ENTREP2: variants seen among roughly 807,000 people sequenced by gnomAD.
ENTREP2 encodes protein ENTREP2.
At chr15:29,222,609 A>G in the ENTREP2 span, among the ~76,000 whole-genome samples, 1 of 152,120 alleles carries the variant, frequency 6.6e-6, no homozygotes, top group African/African-American at 2.4e-5. Context: ...TCTTACATTT[A>G]AAATAACACC....
chr15:29,304,356 A>G, the ENTREP2 span, among the ~76,000 whole-genome samples: 1 of 152,230 alleles, frequency 6.6e-6, no homozygotes, highest in South Asian at 2.1e-4. Flanking sequence ...TCATCTGCAC[A>G]TGGCACATAC....
the ENTREP2 span, among the ~76,000 whole-genome samples, chr15:29,315,330 A>AAT: frequency 6.6e-6 from 1 of 152,222 alleles, no homozygotes; most frequent in African/African-American, 2.4e-5. Flanking sequence ...CCAGATATTA[A>AAT]AATGTATTTA....
At chr15:29,537,857 C>T in the ENTREP2 span, among the ~76,000 whole-genome samples, 4 of 152,110 alleles carry the variant, frequency 2.6e-5, no homozygotes, top group Non-Finnish European at 1.5e-5. Flanking sequence ...CGCTGGCCTC[C>T]TTGCTGTCCT....
the ENTREP2 span, among the ~76,000 whole-genome samples, chr15:29,292,368 TTTCTTTCTTTCC>T: frequency 6.6e-6 from 1 of 151,128 alleles, no homozygotes; most frequent in East Asian, 1.9e-4. Flanking sequence ...TCCTTCCTTC[TTTCTTTCTTTCC>T]TTCTTTCTTT....
chr15:29,561,712 A>ATAAT, the ENTREP2 span, among the ~76,000 whole-genome samples: 3 of 142,482 alleles, frequency 2.1e-5, no homozygotes, highest in Admixed American at 1.4e-4. Flanking sequence ...AATAATAATA[A>ATAAT]AATAAATAAA....
chr15:29,592,548 C>A, the ENTREP2 span, among the ~76,000 whole-genome samples: 1 of 152,136 alleles, frequency 6.6e-6, no homozygotes, highest in African/African-American at 2.4e-5. Flanking sequence ...GGGGCGGAGC[C>A]CTCAGGGCCT....
the ENTREP2 span, among the ~76,000 whole-genome samples, chr15:29,669,194 C>T: frequency 5.7e-3 from 871 of 152,202 alleles, 9 homozygotes; most frequent in African/African-American, 0.02. Context: ...GGCAACAGAG[C>T]GAGACTCCAT....
chr15:29,157,312 GCC>G, the ENTREP2 span, among the ~76,000 whole-genome samples: 1 of 152,120 alleles, frequency 6.6e-6, no homozygotes, highest in African/African-American at 2.4e-5. Context: ...GTATCTGCGG[GCC>G]CCTGTGTGTC....
At chr15:29,345,095 C>T in the ENTREP2 span, among the ~76,000 whole-genome samples, 16 of 151,984 alleles carry the variant, frequency 1.1e-4, no homozygotes, top group African/African-American at 3.1e-4. Flanking sequence ...TCATGAAATC[C>T]GAACGCAATG....
At chr15:29,521,284 GACAA>G in the ENTREP2 span, among the ~76,000 whole-genome samples, 2 of 152,172 alleles carry the variant, frequency 1.3e-5, no homozygotes, top group Non-Finnish European at 2.9e-5. Context: ...TTCTAAAACT[GACAA>G]ACTAATTCTA....
chr15:29,139,109 C>T, the ENTREP2 span, among the ~76,000 whole-genome samples: 7 of 152,108 alleles, frequency 4.6e-5, no homozygotes, highest in East Asian at 3.9e-4. Flanking sequence ...GAGGCCAGGA[C>T]GTGAAGCACT....
chr15:29,501,366 C>A, the ENTREP2 span, among the ~76,000 whole-genome samples: 3 of 151,798 alleles, frequency 2.0e-5, no homozygotes, highest in Non-Finnish European at 2.9e-5. Flanking sequence ...TGAGGTTGGT[C>A]CAACATATAA....
chr15:29,420,511 C>T, the ENTREP2 span, among the ~76,000 whole-genome samples: 3 of 152,038 alleles, frequency 2.0e-5, no homozygotes, highest in South Asian at 4.2e-4. Flanking sequence ...GCCAGCTCAC[C>T]GGGTATGCAA....
chr15:29,483,157 G>T, the ENTREP2 span, among the ~76,000 whole-genome samples: 1 of 152,160 alleles, frequency 6.6e-6, no homozygotes, highest in African/African-American at 2.4e-5. Context: ...GTCTGTTCAG[G>T]TTGTTTGCCC....
At chr15:29,164,231 C>G in the ENTREP2 span, among the ~76,000 whole-genome samples, 8 of 152,146 alleles carry the variant, frequency 5.3e-5, no homozygotes, top group Non-Finnish European at 7.3e-5. Context: ...ATAAATCACA[C>G]AGGACCTATA....
chr15:29,293,468 G>C, the ENTREP2 span, among the ~76,000 whole-genome samples: 5 of 151,824 alleles, frequency 3.3e-5, no homozygotes, highest in East Asian at 9.7e-4. Flanking sequence ...GTTTTAGCCA[G>C]GATGGTCTCG....
chr15:29,487,416 C>T, the ENTREP2 span, among the ~76,000 whole-genome samples: 1 of 152,222 alleles, frequency 6.6e-6, no homozygotes, highest in Admixed American at 6.5e-5. Flanking sequence ...CCACTCCATA[C>T]AGATAAGCGG....
chr15:29,509,110 GACAA>G, the ENTREP2 span, among the ~76,000 whole-genome samples: 36 of 152,220 alleles, frequency 2.4e-4, no homozygotes, highest in Non-Finnish European at 3.5e-4. Context: ...ACCAATAATA[GACAA>G]ACAGAGAGCC....
chr15:29,441,447 C>T, the ENTREP2 span, among the ~76,000 whole-genome samples: 1 of 152,134 alleles, frequency 6.6e-6, no homozygotes, highest in Non-Finnish European at 1.5e-5. Context: ...ATCCCATCAC[C>T]CATTCTCAGA....
Sources: allele counts gnomAD v4.1 joint callset (sites outside exome capture counted in the v4.1 genomes callset), GRCh38; gene constraint gnomAD v4.1.1; transcripts MANE v1.5; gene names NCBI Gene and HGNC (gene_info 2026-07-23, HGNC 2026-07-21).